The following PAK5 variants were observed in gnomAD, a reference collection of about 807,000 sequenced individuals.
PAK5 encodes serine/threonine-protein kinase PAK 5.
PAK5 carries 16 observed loss-of-function variants against 65.9 expected under a neutral mutation model. The ratio of observed to expected loss-of-function variants is 0.24; its 90% CI spans 0.16 to 0.37. The LOEUF is 0.37. PAK5 is among the 10% of genes least tolerant of loss of function. The probability of loss-of-function intolerance (pLI) is 1.00; values close to 1 mark genes in which losing one functional copy is unlikely to be tolerated. For missense variants in PAK5, 785 were observed against 903.9 expected (o/e 0.87, Z 1.69); for synonymous variants, 371 against 354.9 (o/e 1.05, Z -0.51).
intron 2 of PAK5, among the ~76,000 whole-genome samples, chr20:9,678,743 G>A (rs1350574413): frequency 6.6e-6 from 1 of 152,006 alleles, no homozygotes; most frequent in East Asian, 1.9e-4. Context: ...GCAAAAGGGG[G>A]GAAAGCCCCT....
At chr20:9,769,609 G>C (rs1442100385) in intron 1 of PAK5, among the ~76,000 whole-genome samples, 1 of 152,168 alleles carries the variant, frequency 6.6e-6, no homozygotes, top group East Asian at 1.9e-4. Flanking sequence ...AGATTTAAAA[G>C]AACAAATGGT....
chr20:9,693,266 A>G (rs6039549), intron 2 of PAK5, among the ~76,000 whole-genome samples: 51,610 of 151,946 alleles, frequency 0.34, 10,323 homozygotes, highest in African/African-American at 0.56. Context: ...ATAATCTAAG[A>G]GTGGGATAAG....
intron 2 of PAK5, among the ~76,000 whole-genome samples, chr20:9,679,914 A>C (rs1405685728): frequency 2.0e-5 from 3 of 152,220 alleles, no homozygotes; most frequent in Non-Finnish European, 4.4e-5. Flanking sequence ...TGAAGGTGCC[A>C]TGTGCATCTG....
intron 1 of PAK5, among the ~76,000 whole-genome samples, chr20:9,730,013 AAGAGAG>A (rs200394446): frequency 1.5e-5 from 2 of 131,364 alleles, no homozygotes. Context: ...AAAAAAAAAA[AAGAGAG>A]AGAGAGAGAG....
At position 9,566,203 on chromosome 20, in the gene PAK5, C is replaced by T. The variant is rs773708187; in HGVS notation, c.1172G>A (p.Ser391Asn). 7 of 1,613,800 alleles carry T rather than the reference C, an allele frequency of 4.3e-6. No individual in the cohort carries two copies. Among genetic ancestry groups the T allele is most frequent in the Non-Finnish European group, 5.9e-6 (7 of 1,179,994 alleles). Residue 391 changes from serine (S) to asparagine (N), a missense_variant, in exon 5 of 10, where the codon AGT becomes AAT. By Grantham distance (46) the Ser-to-Asn change is conservative. Transcript: ENST00000353224. ...TLYHHPSLQS[S>N]SQYISTASYL... is the part of the protein sequence containing the mutation. The stretch of plus-strand genomic sequence containing the variant: ...GGAAGCCGTGGAGATGTACTGCGAA[C>T]TGCTCTGCAGGGAGGGGTGATGGTA...
intron 1 of PAK5, among the ~76,000 whole-genome samples, chr20:9,796,456 T>C (rs1346207258): frequency 1.3e-5 from 2 of 152,096 alleles, no homozygotes; most frequent in African/African-American, 4.8e-5. Context: ...ACATGGGACA[T>C]GGCTATTGTA....
chr20:9,777,736 A>G (rs1359952919), intron 1 of PAK5, among the ~76,000 whole-genome samples: 2 of 152,206 alleles, frequency 1.3e-5, no homozygotes, highest in African/African-American at 2.4e-5. Flanking sequence ...AAGGAGAACA[A>G]AACTAGTGGG....
chr20:9,798,792 G>T (rs2049134448), intron 1 of PAK5, among the ~76,000 whole-genome samples: 1 of 152,118 alleles, frequency 6.6e-6, no homozygotes, highest in Non-Finnish European at 1.5e-5. Context: ...AAGGATGATG[G>T]TTCTCAAAGC....
intron 1 of PAK5, among the ~76,000 whole-genome samples, chr20:9,797,138 C>G (rs1347189339): frequency 1.3e-5 from 2 of 151,396 alleles, no homozygotes; most frequent in African/African-American, 4.9e-5. Context: ...CTCTGATGGC[C>G]AGTGATGATG....
intron 3 of PAK5, among the ~76,000 whole-genome samples, chr20:9,616,342 G>T (rs913582752): frequency 6.6e-6 from 1 of 152,140 alleles, no homozygotes; most frequent in Admixed American, 6.5e-5. Flanking sequence ...CTCAAATTAC[G>T]CCAGTAGCGA....
intron 2 of PAK5, among the ~76,000 whole-genome samples, chr20:9,681,915 C>A (rs555333272): frequency 1.7e-4 from 26 of 152,240 alleles, no homozygotes; most frequent in East Asian, 5.8e-4. Context: ...TTTTTGGAGG[C>A]TTCTTCACTA....
chr20:9,636,209 C>G (rs1004522386), intron 3 of PAK5, among the ~76,000 whole-genome samples: 1 of 152,018 alleles, frequency 6.6e-6, no homozygotes, highest in Non-Finnish European at 1.5e-5. Flanking sequence ...GGAAATAAAA[C>G]TAAGAAAAAT....
chr20:9,573,680 G>A (rs931192303), intron 4 of PAK5, among the ~76,000 whole-genome samples: 4 of 152,180 alleles, frequency 2.6e-5, no homozygotes, highest in Admixed American at 6.5e-5. Context: ...CAGTACTGCA[G>A]GAGCATCTAT....
Position 9,766,509 on chromosome 20 carries a change from TATATTCAAGCAGA to T in PAK5, c.-161-55087_-161-55075del, listed in dbSNP as rs1164149989. The stretch of plus-strand genomic sequence containing the variant: ...TATTCAAGCAGAATATATATATATA[TATATTCAAGCAGA>T]ATATATATATATATATATATATATA... On this transcript the variant is annotated intron_variant, in intron 1 of 9. Transcript: ENST00000353224. 2.9e-4 allele frequency among the ~76,000 whole-genome samples: 12 copies of T among 41,856 alleles called. 2 individuals carry two copies. The highest frequency in any genetic ancestry group is 2.2e-3 in the African/African-American group (11 of 4,904). The allele number at this position is 41,856 out of a possible 152,430, so 27.5% of individuals were successfully genotyped here.
At chr20:9,620,941 C>T (rs563545962) in intron 3 of PAK5, among the ~76,000 whole-genome samples, 1 of 99,046 alleles carries the variant, frequency 1.0e-5, no homozygotes, top group African/African-American at 4.0e-5. Flanking sequence ...ATCCAGCAGC[C>T]AGAGAAAGAG....
intron 3 of PAK5, among the ~76,000 whole-genome samples, chr20:9,605,709 A>G (rs1384736685): frequency 6.6e-6 from 1 of 152,116 alleles, no homozygotes; most frequent in Admixed American, 6.5e-5. Context: ...CAGGCGGATC[A>G]CTCGAGACCA....
chr20:9,743,573 T>C lies in PAK5; in HGVS notation c.-161-32138A>G, dbSNP rs376482553. ...CAGAAAAGGGGATCTTTAGGAAGTG[T>C]ATCAGAGGTGCAAGGCCCCTTCAGA... On this transcript the variant is annotated intron_variant, in intron 1 of 9. Transcript: ENST00000353224. 1.7e-4 allele frequency among the ~76,000 whole-genome samples: 26 copies of C among 152,246 alleles called. 1 individual carries two copies. In the East Asian group the frequency reaches 4.4e-3, roughly 26 times the overall value.
intron 1 of PAK5, among the ~76,000 whole-genome samples, chr20:9,768,376 GA>G (rs2048793780): frequency 6.6e-6 from 1 of 151,902 alleles, no homozygotes. Context: ...GCTGTGGGTT[GA>G]AAAACCACCT....
Position 9,537,737 on chromosome 20 carries a change from A to T in PAK5, c.*1725T>A. ...AGATTGTTTTTATTCTCACATATTT[A>T]TATTAATGCTTTAATATTTTACATA... On this transcript the variant is annotated 3_prime_UTR_variant, in exon 10 of 10. Coordinates refer to ENST00000353224, the MANE Select transcript of PAK5 (RefSeq NM_177990.4). 1 of 221,816 alleles carries T rather than the reference A, an allele frequency of 4.5e-6. No homozygotes were observed. The allele number at this position is 221,816 out of a possible 1,614,324, so 13.7% of individuals were successfully genotyped here. A position where few individuals can be genotyped will look rare whatever the true frequency, so the allele number is the denominator to read the frequency against.
Sources: gnomAD v4.1 joint callset for allele counts (sites outside exome capture counted in the v4.1 genomes callset) on GRCh38, gnomAD v4.1.1 for gene constraint, MANE v1.5 for transcripts, NCBI Gene and HGNC (gene_info 2026-07-23, HGNC 2026-07-21) for gene names.